Variants in PCDHA2 observed in about 807,000 individuals in gnomAD.
The protein encoded by PCDHA2 is protocadherin alpha-2.
PCDHA2 carries 58 observed loss-of-function variants against 66.0 expected under a neutral mutation model. The observed-to-expected ratio is 0.88, with a 90% CI of 0.71 to 1.09. PCDHA2 has a LOEUF of 1.09. Among genes scored for constraint, PCDHA2 ranks in the 50% least tolerant of loss-of-function variants. The pLI, the probability that PCDHA2 is intolerant of heterozygous loss-of-function variation, is 0.00. For missense variants in PCDHA2, 1,267 were observed against 1,242.3 expected, an observed-to-expected ratio of 1.02 and a Z score of -0.30; for synonymous variants, 634 against 554.0, an observed-to-expected ratio of 1.14 and a Z score of -2.03.
chr5:140,835,652 G>A, intron 1 of PCDHA2: 1 of 1,613,954 alleles, frequency 6.2e-7, no homozygotes, highest in African/African-American at 1.3e-5. Flanking sequence ...CCTATGAGCT[G>A]GTGGTTACCG....
At chr5:140,982,415 A>C (rs1291195577) in intron 2 of PCDHA2, 60 bp from the exon 3 acceptor site, 1 of 1,610,020 alleles carries the variant, frequency 6.2e-7, no homozygotes, top group African/African-American at 1.3e-5. Flanking sequence ...CTGAGGGTGG[A>C]AGAAGAGATG....
rs2150236253 is a variant in PCDHA2, at chr5:140,835,458, A to G, written c.2388+38106A>G. 2.8e-5 allele frequency: 45 copies of G among 1,613,760 alleles called. No homozygotes were observed. Among genetic ancestry groups the G allele is most frequent in the East Asian group, 4.5e-5 (2 of 44,842 alleles). ...GACTCTCACTTCCCTGTCTCTCCCT[A>G]TTCCAGAGGACGCCCAACCAGGTAC... On this transcript the variant is annotated intron_variant, in intron 1 of 3. Transcript: ENST00000526136.
intron 1 of PCDHA2, among the ~76,000 whole-genome samples, chr5:140,894,192 T>C (rs1554185971): frequency 4.6e-5 from 7 of 152,168 alleles, no homozygotes; most frequent in Non-Finnish European, 1.5e-5. Flanking sequence ...TTATATATTT[T>C]TTCTATGCTA....
intron 1 of PCDHA2, among the ~76,000 whole-genome samples, chr5:140,893,662 A>C (rs1462433571): frequency 6.6e-6 from 1 of 152,204 alleles, no homozygotes; most frequent in Non-Finnish European, 1.5e-5. Flanking sequence ...GTTTTAAAAA[A>C]TTTCAGCACT....
Position 140,858,389 on chromosome 5 carries a change from G to A in PCDHA2, c.2388+61037G>A. The A allele has an allele frequency of 1.3e-6, 2 of 1,580,024 alleles. 1 individual carries two copies. Among genetic ancestry groups the A allele is most frequent in the Non-Finnish European group, 1.7e-6 (2 of 1,156,144 alleles). On this transcript the variant is annotated intron_variant, in intron 1 of 3. Transcript: ENST00000526136. ...CAGCCTTCCACCATGCCCAATGGTA[G>A]ATGTGGACGGGGAAGATCAGTCTAT...
rs542272513 is a variant in PCDHA2 at position 140,808,844 on chromosome 5, G to A, written c.2388+11492G>A. The A allele has an allele frequency of 3.1e-6, 5 of 1,613,056 alleles. No individual in the cohort carries two copies. The highest frequency in any genetic ancestry group is 4.2e-6 in the Non-Finnish European group (5 of 1,179,922). On this transcript the variant is annotated intron_variant, in intron 1 of 3. Coordinates refer to ENST00000526136, the MANE Select transcript of PCDHA2 (RefSeq NM_018905.3). ...TCTGGGCAGCAACGTGACGCTGCAG[G>A]TGTTCGTGCTGGACGAAAACGACAA...
intron 1 of PCDHA2, chr5:140,875,768 G>A (rs997656321): frequency 6.2e-7 from 1 of 1,614,262 alleles, no homozygotes; most frequent in Non-Finnish European, 8.5e-7. Context: ...TGCGGGCGGA[G>A]CGCGGAGTGC....
At chr5:140,842,859 A>G in intron 1 of PCDHA2, 1 of 1,593,988 alleles carries the variant, frequency 6.3e-7, no homozygotes, top group Admixed American at 1.7e-5. Context: ...GTGCACACGG[A>G]GAGCGGCAAG....
At chr5:140,901,407 G>T (rs2068648687) in intron 1 of PCDHA2, among the ~76,000 whole-genome samples, 2 of 152,130 alleles carry the variant, frequency 1.3e-5, no homozygotes, top group Non-Finnish European at 2.9e-5. Context: ...AGAGATAGGG[G>T]TCTAGTTTCA....
chr5:140,837,299 G>A (rs2150274522), intron 1 of PCDHA2: 88,040 of 151,626 alleles, frequency 0.58, 26,686 homozygotes, highest in African/African-American at 0.73. Context: ...ACTTTGTTGA[G>A]ATGTATTTGC....
intron 1 of PCDHA2, chr5:140,814,250 A>C (rs1436384389): frequency 6.6e-6 from 1 of 152,380 alleles, no homozygotes; most frequent in African/African-American, 2.4e-5. Context: ...AAATGAAGAT[A>C]TAAACACCCA....
At chr5:140,842,856 C>T (rs782295377) in intron 1 of PCDHA2, 1 of 1,593,922 alleles carries the variant, frequency 6.3e-7, no homozygotes, top group African/African-American at 1.3e-5. Context: ...TCGGTGCACA[C>T]GGAGAGCGGC....
intron 1 of PCDHA2, chr5:140,808,456 G>A (rs375470813): frequency 1.2e-6 from 2 of 1,614,106 alleles, no homozygotes; most frequent in Admixed American, 1.7e-5. Flanking sequence ...CCTATGAGCT[G>A]GTGGTGACCG....
intron 1 of PCDHA2, among the ~76,000 whole-genome samples, chr5:140,798,234 G>T (rs1325012012): frequency 6.6e-6 from 1 of 152,102 alleles, no homozygotes; most frequent in Non-Finnish European, 1.5e-5. Context: ...CCAAAAGTAT[G>T]TAGCACAGGT....
intron 1 of PCDHA2, chr5:140,835,868 G>A (rs1454077301): frequency 6.2e-7 from 1 of 1,612,002 alleles, no homozygotes; most frequent in African/African-American, 1.3e-5. Flanking sequence ...ACTCGCTGGT[G>A]GAGCTGCGGG....
At chr5:140,858,403 A>T (rs1554151554) in intron 1 of PCDHA2, 1 of 1,569,204 alleles carries the variant, frequency 6.4e-7, no homozygotes. Context: ...TGGACGGGGA[A>T]GATCAGTCTA....
At chr5:140,808,484 C>G in intron 1 of PCDHA2, 1 of 1,614,170 alleles carries the variant, frequency 6.2e-7, no homozygotes, top group Non-Finnish European at 8.5e-7. Flanking sequence ...CGGGGGCTCG[C>G]CTTCGCTGTG....
At chr5:140,823,423 C>T (rs2150125747) in intron 1 of PCDHA2, 14 of 1,613,304 alleles carry the variant, frequency 8.7e-6, no homozygotes, top group Non-Finnish European at 1.1e-5. Flanking sequence ...CAACGTGACG[C>T]TGCAGGTGTT....
At chr5:140,981,583 T>TA (rs2096939530) in intron 2 of PCDHA2, among the ~76,000 whole-genome samples, 1 of 152,098 alleles carries the variant, frequency 6.6e-6, no homozygotes, top group Non-Finnish European at 1.5e-5. Flanking sequence ...CAAAAATAAA[T>TA]AAAATAAAAC....
Sources: gnomAD v4.1 joint callset for allele counts (sites outside exome capture counted in the v4.1 genomes callset) on GRCh38, gnomAD v4.1.1 for gene constraint, MANE v1.5 for transcripts, NCBI Gene and HGNC (gene_info 2026-07-23, HGNC 2026-07-21) for gene names.